MAF: variants seen among roughly 807,000 people sequenced by gnomAD.
The protein encoded by MAF is transcription factor Maf.
A neutral mutation model predicts 22.0 loss-of-function variants in MAF; 10 were observed. The ratio of observed to expected loss-of-function variants is 0.45; its 90% CI spans 0.28 to 0.77. The LOEUF is 0.77. MAF is among the 30% of genes least tolerant of loss of function. The pLI, the probability that MAF is intolerant of heterozygous loss-of-function variation, is 0.12. For synonymous variants in MAF, 337 were observed against 255.8 expected, an observed-to-expected ratio of 1.32 and a Z score of -3.03; for missense variants, 544 against 548.4, an observed-to-expected ratio of 0.99 and a Z score of 0.08.
chr16:79,450,802 GA>G, the MAF span, among the ~76,000 whole-genome samples: 2,171 of 144,802 alleles, frequency 0.015, 51 homozygotes, highest in African/African-American at 0.051. Flanking sequence ...ACTGAAAACA[GA>G]AAAAAAAAAT....
the MAF span, among the ~76,000 whole-genome samples, chr16:79,464,556 C>T: frequency 6.6e-6 from 1 of 152,202 alleles, no homozygotes; most frequent in South Asian, 2.1e-4. Context: ...AAATGCTGTA[C>T]AGACCCAAAG....
the MAF span, among the ~76,000 whole-genome samples, chr16:79,567,630 G>A: frequency 6.6e-6 from 1 of 152,222 alleles, no homozygotes. Context: ...GCTTCAGAAG[G>A]TGAAGCATGG....
At chr16:79,279,957 G>A in the MAF span, among the ~76,000 whole-genome samples, 1 of 152,132 alleles carries the variant, frequency 6.6e-6, no homozygotes, top group African/African-American at 2.4e-5. Flanking sequence ...CACAGTTTGT[G>A]GGCAATGGAA....
chr16:79,557,441 C>T, the MAF span, among the ~76,000 whole-genome samples: 1 of 152,126 alleles, frequency 6.6e-6, no homozygotes, highest in Admixed American at 6.5e-5. Context: ...AATAGATCCC[C>T]CAATAGAGTC....
the MAF span, among the ~76,000 whole-genome samples, chr16:79,512,475 G>C: frequency 2.6e-5 from 4 of 152,050 alleles, no homozygotes; most frequent in Non-Finnish European, 5.9e-5. Flanking sequence ...ATCAGCTTGG[G>C]TTTCAGAATC....
chr16:79,221,459 G>A, the MAF span, among the ~76,000 whole-genome samples: 3 of 151,954 alleles, frequency 2.0e-5, no homozygotes, highest in Non-Finnish European at 2.9e-5. Context: ...AGGAGCAGAA[G>A]ACATGAAAAA....
the MAF span, among the ~76,000 whole-genome samples, chr16:79,422,033 C>T: frequency 6.6e-6 from 1 of 152,170 alleles, no homozygotes; most frequent in African/African-American, 2.4e-5. Context: ...CCGCCTTGGC[C>T]TCCCAAAATG....
the MAF span, among the ~76,000 whole-genome samples, chr16:79,371,015 T>C: frequency 6.6e-6 from 1 of 152,240 alleles, no homozygotes; most frequent in Non-Finnish European, 1.5e-5. Flanking sequence ...GGATAAAGAA[T>C]TCAGGCATGG....
chr16:79,391,896 GAGC>G, the MAF span, among the ~76,000 whole-genome samples: 10 of 74,846 alleles, frequency 1.3e-4, no homozygotes, highest in Non-Finnish European at 2.6e-4. Flanking sequence ...GGAGGAGGAG[GAGC>G]AGGAGGAGGA....
At chr16:79,384,260 A>G in the MAF span, among the ~76,000 whole-genome samples, 2 of 151,984 alleles carry the variant, frequency 1.3e-5, no homozygotes, top group African/African-American at 4.8e-5. Context: ...CCTGGCCAAC[A>G]TGGTGAAACC....
At chr16:79,412,605 A>C in the MAF span, among the ~76,000 whole-genome samples, 5 of 152,140 alleles carry the variant, frequency 3.3e-5, no homozygotes, top group Middle Eastern at 3.2e-3. Context: ...CTCCCTCTCA[A>C]GTTGTGGCAG....
the MAF span, chr16:79,505,507 C>T: frequency 1.2e-4 from 18 of 152,332 alleles, no homozygotes; most frequent in African/African-American, 3.8e-4. Context: ...GTCCTCTGAT[C>T]ACCAGTATGT....
At chr16:79,273,524 G>A in the MAF span, among the ~76,000 whole-genome samples, 2 of 152,200 alleles carry the variant, frequency 1.3e-5, no homozygotes, top group African/African-American at 2.4e-5. Flanking sequence ...CAAGGTGTCT[G>A]CCAGGCTGTG....
At chr16:79,400,694 G>A in the MAF span, among the ~76,000 whole-genome samples, 11 of 152,238 alleles carry the variant, frequency 7.2e-5, no homozygotes, top group Non-Finnish European at 1.5e-5. Flanking sequence ...AAACAGGTCA[G>A]ACATTATCTC....
At chr16:79,250,929 G>C in the MAF span, among the ~76,000 whole-genome samples, 1 of 152,144 alleles carries the variant, frequency 6.6e-6, no homozygotes, top group Non-Finnish European at 1.5e-5. Flanking sequence ...GACTGTATTT[G>C]TCTGTAATAA....
the MAF span, among the ~76,000 whole-genome samples, chr16:79,385,331 C>G: frequency 3.9e-5 from 6 of 152,228 alleles, no homozygotes; most frequent in African/African-American, 1.4e-4. Flanking sequence ...TGGTGATTAA[C>G]AGACTGCCAC....
At chr16:79,519,591 G>A in the MAF span, among the ~76,000 whole-genome samples, 32 of 152,288 alleles carry the variant, frequency 2.1e-4, no homozygotes, top group Admixed American at 6.5e-4. Context: ...GCTTGTCATC[G>A]GTAACCATCC....
the MAF span, among the ~76,000 whole-genome samples, chr16:79,553,620 C>G: frequency 6.6e-6 from 1 of 152,206 alleles, no homozygotes; most frequent in South Asian, 2.1e-4. Context: ...GGTACAAGCT[C>G]GCTCCCAAAA....
the MAF span, among the ~76,000 whole-genome samples, chr16:79,420,958 C>T: frequency 1.9e-4 from 29 of 151,638 alleles, no homozygotes; most frequent in Non-Finnish European, 3.7e-4. Context: ...CGCTGGAACC[C>T]GGGAGGCGGA....
Sources: gnomAD v4.1 joint callset for allele counts (sites outside exome capture counted in the v4.1 genomes callset) on GRCh38, gnomAD v4.1.1 for gene constraint, MANE v1.5 for transcripts, NCBI Gene and HGNC (gene_info 2026-07-23, HGNC 2026-07-21) for gene names.